The following TBC1D5 variants were observed in gnomAD, a reference collection of about 807,000 sequenced individuals.
The protein encoded by TBC1D5 is TBC1 domain family member 5, also known as TBC1 domain family, member 5.
In TBC1D5, 75 loss-of-function variants were observed where a neutral mutation model predicts 100.3. The ratio of observed to expected loss-of-function variants is 0.75; its 90% confidence interval spans 0.62 to 0.91. The LOEUF is 0.91. Ranked by LOEUF, TBC1D5 falls within the 40% of genes least tolerant of loss-of-function variation. The pLI, the probability that TBC1D5 is intolerant of heterozygous loss-of-function variation, is 0.00. For missense variants in TBC1D5, 910 were observed against 942.4 expected (o/e 0.97, Z 0.45); for synonymous variants, 323 against 325.6 (o/e 0.99, Z 0.09).
At chr3:17,542,686 C>T (rs2096370350) in intron 2 of TBC1D5, among the ~76,000 whole-genome samples, 1 of 152,170 alleles carries the variant, frequency 6.6e-6, no homozygotes, top group Admixed American at 6.5e-5. Flanking sequence ...TAAATTTTGT[C>T]AAGTGCTTTT....
intron 1 of TBC1D5, among the ~76,000 whole-genome samples, chr3:17,698,884 C>G (rs1001391220): frequency 1.5e-5 from 2 of 133,822 alleles, no homozygotes; most frequent in African/African-American, 2.7e-5. Context: ...ATTAAAAAGT[C>G]AGGAAACAAC....
chr3:17,342,869 T>C (rs2089228225), intron 13 of TBC1D5, among the ~76,000 whole-genome samples: 1 of 152,218 alleles, frequency 6.6e-6, no homozygotes, highest in Non-Finnish European at 1.5e-5. Flanking sequence ...ATGTATACTT[T>C]TCCCTTATAT....
intron 13 of TBC1D5, among the ~76,000 whole-genome samples, chr3:17,337,169 G>A: frequency 7.4e-6 from 1 of 135,332 alleles, no homozygotes; most frequent in South Asian, 2.5e-4. Context: ...CCTACCCACA[G>A]AGTTTCTGAT....
At chr3:17,649,480 A>C (rs1458004490) in intron 1 of TBC1D5, among the ~76,000 whole-genome samples, 2 of 152,156 alleles carry the variant, frequency 1.3e-5, no homozygotes, top group Admixed American at 1.3e-4. Context: ...TAAAAGTTAA[A>C]AAATAAAAAT....
chr3:17,493,569 T>C (rs1368916224), intron 3 of TBC1D5, among the ~76,000 whole-genome samples: 1 of 152,208 alleles, frequency 6.6e-6, no homozygotes, highest in Non-Finnish European at 1.5e-5. Flanking sequence ...CCCAGTCAGT[T>C]GTAGATTTGG....
At chr3:17,357,483 G>A (rs1005464931) in intron 13 of TBC1D5, among the ~76,000 whole-genome samples, 1 of 152,112 alleles carries the variant, frequency 6.6e-6, no homozygotes, top group Non-Finnish European at 1.5e-5. Context: ...AATACCAACC[G>A]GCAGAGGCCT....
intron 4 of TBC1D5, among the ~76,000 whole-genome samples, chr3:17,427,043 T>C (rs192077560): frequency 8.9e-4 from 135 of 152,172 alleles, no homozygotes; most frequent in African/African-American, 3.2e-3. Flanking sequence ...TACAATCAGC[T>C]ATGACACACT....
chr3:17,172,896 G>T (rs970602361), intron 19 of TBC1D5, among the ~76,000 whole-genome samples: 3 of 152,144 alleles, frequency 2.0e-5, no homozygotes, highest in Non-Finnish European at 4.4e-5. Flanking sequence ...GTAGAAAGGG[G>T]ACAAAAGCAG....
At chr3:17,443,763 C>G (rs1365787326) in intron 3 of TBC1D5, among the ~76,000 whole-genome samples, 1 of 151,980 alleles carries the variant, frequency 6.6e-6, no homozygotes, top group East Asian at 1.9e-4. Context: ...AGAACAATAC[C>G]TGAAATTTTA....
chr3:17,591,882 C>G (rs1301734972), intron 2 of TBC1D5, among the ~76,000 whole-genome samples: 1 of 152,198 alleles, frequency 6.6e-6, no homozygotes, highest in Admixed American at 6.5e-5. Context: ...TTCAAAGACA[C>G]AGGGGTGGTG....
At chr3:17,619,068 T>C (rs1254328612) in intron 2 of TBC1D5, among the ~76,000 whole-genome samples, 1 of 152,208 alleles carries the variant, frequency 6.6e-6, no homozygotes, top group East Asian at 1.9e-4. Flanking sequence ...TTTTTAATAG[T>C]AATTTTAAAA....
chr3:17,643,007 G>A (rs1001915589), intron 1 of TBC1D5, among the ~76,000 whole-genome samples: 2 of 152,014 alleles, frequency 1.3e-5, no homozygotes, highest in Non-Finnish European at 2.9e-5. Flanking sequence ...TAACTAAACT[G>A]TGGGTCTTAC....
At chr3:17,671,570 C>T (rs896710261) in intron 1 of TBC1D5, among the ~76,000 whole-genome samples, 3 of 152,054 alleles carry the variant, frequency 2.0e-5, no homozygotes, top group African/African-American at 7.2e-5. Flanking sequence ...TAATAAAGTA[C>T]AAAACAAGGC....
At chr3:17,224,506 G>C (rs2148726403) in intron 17 of TBC1D5, among the ~76,000 whole-genome samples, 1 of 152,250 alleles carries the variant, frequency 6.6e-6, no homozygotes, top group South Asian at 2.1e-4. Flanking sequence ...AAAATGCAGT[G>C]CATATTTTTT....
chr3:17,510,906 A>G (rs2095897149), intron 2 of TBC1D5, among the ~76,000 whole-genome samples: 2 of 152,004 alleles, frequency 1.3e-5, no homozygotes, highest in East Asian at 1.9e-4. Context: ...TAATTTGTCT[A>G]GAATCACACA....
chr3:17,616,834 C>T (rs2062206441), intron 2 of TBC1D5, among the ~76,000 whole-genome samples: 1 of 152,142 alleles, frequency 6.6e-6, no homozygotes, highest in African/African-American at 2.4e-5. Flanking sequence ...GGTCTTGACT[C>T]TTTATCCAAT....
chr3:17,347,999 T>C (rs1022241351), intron 13 of TBC1D5, among the ~76,000 whole-genome samples: 2 of 112,288 alleles, frequency 1.8e-5, no homozygotes, highest in Admixed American at 8.0e-5. Context: ...CGAGACCCTG[T>C]CTCTACAACA....
rs143815466 is a variant in TBC1D5 at position 17,289,057 on chromosome 3, C to T, written c.1245+2838G>A. Among the ~76,000 whole-genome samples, 198 of 152,334 alleles carry T rather than the reference C, an allele frequency of 1.3e-3. 3 individuals are homozygous for T. The highest frequency in any genetic ancestry group is 4.6e-3 in the African/African-American group (190 of 41,586). ...TCTGGGGCTTCGGGGTTGTGGGCAC[C>T]CCTGCCTGGGCACCACTGTGTTCCC... On this transcript the variant is annotated intron_variant, in intron 15 of 21. Coordinates refer to ENST00000253692, the Ensembl canonical transcript of TBC1D5.
At chr3:17,680,047 C>G (rs993999023) in intron 1 of TBC1D5, among the ~76,000 whole-genome samples, 8 of 151,212 alleles carry the variant, frequency 5.3e-5, no homozygotes, top group African/African-American at 2.0e-4. Flanking sequence ...TAAGAAAAAG[C>G]CTGCTAGGGT....
Sources: gnomAD v4.1 joint callset for allele counts (sites outside exome capture counted in the v4.1 genomes callset) on GRCh38, gnomAD v4.1.1 for gene constraint, MANE v1.5 for transcripts, NCBI Gene and HGNC (gene_info 2026-07-23, HGNC 2026-07-21) for gene names.